The following FLRT1 variants were observed in gnomAD, a reference collection of about 807,000 sequenced individuals.
FLRT1 encodes the protein fibronectin leucine rich transmembrane protein 1.
In FLRT1, 14 loss-of-function variants were observed where a neutral mutation model predicts 30.9. The ratio of observed to expected loss-of-function variants is 0.45; its 90% confidence interval spans 0.30 to 0.71. FLRT1 has a LOEUF of 0.71. FLRT1 is among the 30% of genes least tolerant of loss of function. FLRT1 has a pLI of 0.08. For missense variants in FLRT1, 737 were observed against 949.2 expected (o/e 0.78, Z 2.94); for synonymous variants, 368 against 430.4 (o/e 0.85, Z 1.80).
chr11:64,069,449 C>G (rs1455142559), intron 1 of FLRT1, among the ~76,000 whole-genome samples: 1 of 152,248 alleles, frequency 6.6e-6, no homozygotes, highest in Non-Finnish European at 1.5e-5. Context: ...GCCCACTCCC[C>G]AAGGACAAGC....
At chr11:64,063,842 C>A (rs1431777810) in intron 1 of FLRT1, among the ~76,000 whole-genome samples, 1 of 152,210 alleles carries the variant, frequency 6.6e-6, no homozygotes, top group Admixed American at 6.5e-5. Flanking sequence ...ATGCAATTAG[C>A]ACAGACAATG....
chr11:64,113,755 C>T lies in FLRT1; in HGVS notation c.-49-2464C>T, dbSNP rs376918299. ...CATGGATGATGGATGGATGGATGGACGGACAGGTAAATGCATGATGGATGG... is the reference window on the plus strand; with the variant it reads ...CATGGATGATGGATGGATGGATGGATGGACAGGTAAATGCATGATGGATGG... On this transcript the variant is annotated intron_variant, in intron 2 of 2. Coordinates refer to ENST00000682287, the MANE Select transcript of FLRT1 (RefSeq NM_013280.5). Among the ~76,000 whole-genome samples, 122 of 127,874 alleles carry T rather than the reference C, an allele frequency of 9.5e-4. 1 individual carries two copies. The highest frequency in any genetic ancestry group is 3.5e-3 in the African/African-American group (115 of 32,962). 83.9% of individuals were successfully genotyped at this position (127,874 alleles called of 152,430 possible).
intron 1 of FLRT1, among the ~76,000 whole-genome samples, chr11:64,048,819 CCCA>C (rs1943635519): frequency 6.6e-6 from 1 of 152,298 alleles, no homozygotes; most frequent in South Asian, 2.1e-4. Flanking sequence ...GGCTGCTATC[CCCA>C]CCAAGCACCC....
intron 1 of FLRT1, among the ~76,000 whole-genome samples, chr11:64,061,931 A>T (rs374436105): frequency 9.0e-5 from 11 of 121,960 alleles, no homozygotes; most frequent in African/African-American, 3.2e-4. Flanking sequence ...CCCAGGCTGG[A>T]CTCAAATTCC....
intron 2 of FLRT1, among the ~76,000 whole-genome samples, chr11:64,113,519 T>C (rs1323846962): frequency 6.7e-6 from 1 of 148,336 alleles, no homozygotes; most frequent in Non-Finnish European, 1.5e-5. Flanking sequence ...GATAATTGGA[T>C]GGATGGATAG....
Position 64,064,813 on chromosome 11 carries a change from G to C in FLRT1, c.-1038+28654G>C, listed in dbSNP as rs1270623999. 6.6e-6 allele frequency among the ~76,000 whole-genome samples: 1 copy of C among 151,920 alleles called. No individual in the cohort carries two copies. The highest frequency in any genetic ancestry group is 1.5e-5 in the Non-Finnish European group (1 of 67,988). ...CTGCCAACTAAAACCTGGGCACCCG[G>C]TGGCCAAGAGGCTAGAGTTTCACAA... On this transcript the variant is annotated intron_variant, in intron 1 of 2. Coordinates refer to ENST00000682287, the MANE Select transcript of FLRT1 (RefSeq NM_013280.5). The surrounding 1 kb of genome is among the most constrained non-coding windows in gnomAD (Gnocchi z 4.5).
chr11:64,058,219 TGGGCATCTGAGCA>T (rs1450521256), intron 1 of FLRT1, among the ~76,000 whole-genome samples: 3 of 152,208 alleles, frequency 2.0e-5, no homozygotes, highest in Non-Finnish European at 2.9e-5. Flanking sequence ...GGTAGAGAGG[TGGGCATCTGAGCA>T]GGGTAACCTG....
intron 1 of FLRT1, among the ~76,000 whole-genome samples, chr11:64,100,572 G>A (rs182974986): frequency 7.2e-5 from 11 of 152,162 alleles, no homozygotes; most frequent in Admixed American, 5.9e-4. Flanking sequence ...TGGCTCTGGC[G>A]GGAGGTGTCT....
At chr11:64,083,944 C>T (rs971476880) in intron 1 of FLRT1, among the ~76,000 whole-genome samples, 10 of 152,182 alleles carry the variant, frequency 6.6e-5, no homozygotes, top group African/African-American at 1.9e-4. Context: ...TGCGGCAGCC[C>T]GGCGCTGCTG....
At chr11:64,046,849 C>A (rs7107297) in intron 1 of FLRT1, among the ~76,000 whole-genome samples, 2,794 of 152,246 alleles carry the variant, frequency 0.018, 103 homozygotes, top group African/African-American at 0.064. Flanking sequence ...GTGAAGTCTT[C>A]CCCATCCCTG....
chr11:64,060,968 C>T (rs901523324), intron 1 of FLRT1, among the ~76,000 whole-genome samples: 2 of 151,866 alleles, frequency 1.3e-5, no homozygotes, highest in Admixed American at 1.3e-4. Context: ...GCTCCCGGGC[C>T]GCCAGGCGAC....
At chr11:64,106,890 A>AT (rs988619028) in intron 2 of FLRT1, among the ~76,000 whole-genome samples, 17 of 150,174 alleles carry the variant, frequency 1.1e-4, no homozygotes, top group Non-Finnish European at 1.6e-4. Flanking sequence ...ATTTTATTTT[A>AT]TTTTTTTTTG....
chr11:64,116,011 A>G (rs1944971932), intron 2 of FLRT1, among the ~76,000 whole-genome samples: 1 of 152,182 alleles, frequency 6.6e-6, no homozygotes, highest in South Asian at 2.1e-4. Flanking sequence ...CATTAGCCAG[A>G]TGTTGTTAGA....
chr11:64,052,012 G>A (rs1198042821), intron 1 of FLRT1, among the ~76,000 whole-genome samples: 2 of 151,684 alleles, frequency 1.3e-5, no homozygotes, highest in African/African-American at 4.9e-5. Context: ...GAGAGCTGGG[G>A]GCTTGCTAAT....
At chr11:64,111,162 G>A (rs1021043305) in intron 2 of FLRT1, among the ~76,000 whole-genome samples, 7 of 152,266 alleles carry the variant, frequency 4.6e-5, no homozygotes, top group Non-Finnish European at 1.0e-4. Context: ...GGGAACAGAT[G>A]TCCATACCAG....
At chr11:64,089,562 G>C (rs540517418) in intron 1 of FLRT1, among the ~76,000 whole-genome samples, 2 of 152,212 alleles carry the variant, frequency 1.3e-5, no homozygotes, top group Non-Finnish European at 2.9e-5. Flanking sequence ...CTGCCGGGTC[G>C]GCAGCCACGG....
At chr11:64,039,236 G>C (rs1943439389) in intron 1 of FLRT1, among the ~76,000 whole-genome samples, 1 of 152,116 alleles carries the variant, frequency 6.6e-6, no homozygotes, top group South Asian at 2.1e-4. Flanking sequence ...GGGTGGACAA[G>C]AAGGGGCGTG....
At chr11:64,091,378 A>G (rs1565228284) in intron 1 of FLRT1, among the ~76,000 whole-genome samples, 2 of 150,846 alleles carry the variant, frequency 1.3e-5, no homozygotes, top group Non-Finnish European at 3.0e-5. Context: ...CTCTGGGGAC[A>G]TGAGGATGCC....
intron 1 of FLRT1, among the ~76,000 whole-genome samples, chr11:64,065,614 C>G (rs531758454): frequency 1.8e-5 from 2 of 112,298 alleles, no homozygotes; most frequent in East Asian, 4.0e-4. Flanking sequence ...ACGGTGAAAC[C>G]CAGTCTCTAC....
Sources: gnomAD v4.1 joint callset for allele counts (sites outside exome capture counted in the v4.1 genomes callset) on GRCh38, gnomAD v4.1.1 for gene constraint, Gnocchi (gnomAD v3.1) non-coding constraint, MANE v1.5 for transcripts, NCBI Gene and HGNC (gene_info 2026-07-23, HGNC 2026-07-21) for gene names.